Variants in FSTL5 observed in about 807,000 individuals in gnomAD.
The protein encoded by FSTL5 is follistatin-related protein 5.
A neutral mutation model predicts 89.1 loss-of-function variants in FSTL5; 62 were observed. The ratio of observed to expected loss-of-function variants is 0.70; its 90% CI spans 0.57 to 0.86. The LOEUF (loss-of-function observed/expected upper bound fraction) is 0.86, where lower values mean the gene tolerates loss of function less well. Ranked by LOEUF, FSTL5 falls within the 40% of genes least tolerant of loss-of-function variation. The pLI, the probability that FSTL5 is intolerant of heterozygous loss-of-function variation, is 0.00. For synonymous variants in FSTL5, 383 were observed against 346.2 expected, an observed-to-expected ratio of 1.11 and a Z score of -1.18; for missense variants, 1,057 against 1,001.6, an observed-to-expected ratio of 1.06 and a Z score of -0.75.
intron 6 of FSTL5, among the ~76,000 whole-genome samples, chr4:161,726,349 C>A (rs1739415712): frequency 6.6e-6 from 1 of 150,478 alleles, no homozygotes; most frequent in African/African-American, 2.4e-5. Context: ...GTGTCAGCCT[C>A]CCGAGTAGCT....
At chr4:162,050,822 G>T (rs1578987511) in intron 2 of FSTL5, among the ~76,000 whole-genome samples, 1 of 151,192 alleles carries the variant, frequency 6.6e-6, no homozygotes, top group East Asian at 1.9e-4. Flanking sequence ...AAATGTTAAT[G>T]AAGTTAATAA....
At chr4:162,092,240 A>G (rs1484271812) in intron 2 of FSTL5, among the ~76,000 whole-genome samples, 1 of 152,158 alleles carries the variant, frequency 6.6e-6, no homozygotes, top group Non-Finnish European at 1.5e-5. Context: ...ATATGTTTCC[A>G]GGTGATGCTA....
In FSTL5 at chr4:161,932,968, C is replaced by T. The variant is rs566281972; in HGVS notation, c.161-12316G>A. ...CTACAAGTTATAAAATAAAACAAAG[C>T]TAAACAATACAATACATCAAGAAAT... On this transcript the variant is annotated intron_variant, in intron 3 of 15. Coordinates refer to ENST00000306100, the MANE Select transcript of FSTL5 (RefSeq NM_020116.5). Among the ~76,000 whole-genome samples, 12 of 152,156 alleles carry T rather than the reference C, an allele frequency of 7.9e-5. No individual in the cohort carries two copies. In the South Asian group the frequency reaches 2.3e-3, roughly 29 times the overall value.
intron 4 of FSTL5, among the ~76,000 whole-genome samples, chr4:161,916,303 T>C (rs1733836722): frequency 6.6e-6 from 1 of 152,154 alleles, no homozygotes; most frequent in African/African-American, 2.4e-5. Flanking sequence ...CATTTTGGCA[T>C]AGGTTATATC....
chr4:161,405,128 G>A (rs1193316563), intron 15 of FSTL5, among the ~76,000 whole-genome samples: 1 of 152,014 alleles, frequency 6.6e-6, no homozygotes, highest in Non-Finnish European at 1.5e-5. Context: ...AACTACTTGG[G>A]AGGCTGAGGC....
intron 8 of FSTL5, among the ~76,000 whole-genome samples, chr4:161,553,882 C>G (rs1732298482): frequency 6.6e-6 from 1 of 151,492 alleles, no homozygotes; most frequent in African/African-American, 2.4e-5. Flanking sequence ...TGAACTATTG[C>G]TCAGTTTAAA....
At chr4:161,866,253 T>C (rs1325944297) in intron 4 of FSTL5, among the ~76,000 whole-genome samples, 1 of 152,200 alleles carries the variant, frequency 6.6e-6, no homozygotes, top group African/African-American at 2.4e-5. Context: ...TTTATTTTTA[T>C]GAAACCCAAA....
chr4:161,931,942 C>A (rs1199226594), intron 3 of FSTL5, among the ~76,000 whole-genome samples: 1 of 151,858 alleles, frequency 6.6e-6, no homozygotes, highest in Non-Finnish European at 1.5e-5. Context: ...TCAATTGTAC[C>A]AGTGTGCCAA....
intron 10 of FSTL5, among the ~76,000 whole-genome samples, chr4:161,513,478 G>T (rs575588633): frequency 6.6e-6 from 1 of 152,182 alleles, no homozygotes; most frequent in Admixed American, 6.6e-5. Context: ...CCATTACTGG[G>T]TATATACCCA....
intron 15 of FSTL5, among the ~76,000 whole-genome samples, chr4:161,437,567 A>C (rs113190306): frequency 9.6e-6 from 1 of 103,790 alleles, no homozygotes; most frequent in African/African-American, 2.9e-5. Flanking sequence ...CTCCGTCTCA[A>C]AAAAAAAAAA....
At chr4:161,986,774 C>T (rs76026780) in intron 3 of FSTL5, among the ~76,000 whole-genome samples, 21 of 152,164 alleles carry the variant, frequency 1.4e-4, no homozygotes, top group Non-Finnish European at 2.4e-4. Context: ...GCTAGGAAAG[C>T]GGGTGGCACA....
intron 5 of FSTL5, among the ~76,000 whole-genome samples, chr4:161,775,572 T>G (rs1579083178): frequency 6.6e-6 from 1 of 152,208 alleles, no homozygotes. Flanking sequence ...ATCTCCAGAA[T>G]ACATTAGGAA....
chr4:161,407,014 C>CT (rs1296641585), intron 15 of FSTL5, among the ~76,000 whole-genome samples: 1 of 151,962 alleles, frequency 6.6e-6, no homozygotes, highest in South Asian at 2.1e-4. Flanking sequence ...CTAGTACTGT[C>CT]TTTTTTGTAG....
chr4:161,787,341 T>C (rs774957257), intron 4 of FSTL5, among the ~76,000 whole-genome samples: 6 of 152,074 alleles, frequency 3.9e-5, no homozygotes, highest in Non-Finnish European at 8.8e-5. Flanking sequence ...GACTGGTGAG[T>C]GCTTGACAGT....
intron 6 of FSTL5, among the ~76,000 whole-genome samples, chr4:161,750,243 CATT>C (rs1265568920): frequency 3.9e-5 from 6 of 151,988 alleles, no homozygotes; most frequent in Admixed American, 6.6e-5. Flanking sequence ...ATAGAGAAGT[CATT>C]ATAATTTGAC....
At chr4:161,634,568 C>A (rs1735622896) in intron 7 of FSTL5, among the ~76,000 whole-genome samples, 2 of 152,036 alleles carry the variant, frequency 1.3e-5, no homozygotes, top group Non-Finnish European at 2.9e-5. Flanking sequence ...CTTAAAAAAA[C>A]AGGAACACCT....
chr4:162,004,571 T>A (rs1216296010), intron 3 of FSTL5, among the ~76,000 whole-genome samples: 1 of 152,146 alleles, frequency 6.6e-6, no homozygotes, highest in South Asian at 2.1e-4. Context: ...TAGATGCTTA[T>A]CATTTAGAAC....
At chr4:162,114,922 T>C (rs113123098) in intron 1 of FSTL5, among the ~76,000 whole-genome samples, 1 of 152,136 alleles carries the variant, frequency 6.6e-6, no homozygotes, top group Admixed American at 6.6e-5. Context: ...AATACAAAGT[T>C]ATACAAAAAT....
At chr4:161,676,770 C>T (rs1296948081) in intron 6 of FSTL5, among the ~76,000 whole-genome samples, 1 of 151,632 alleles carries the variant, frequency 6.6e-6, no homozygotes, top group Non-Finnish European at 1.5e-5. Context: ...CACACACACA[C>T]ATACACACAG....
Sources: gnomAD v4.1 joint callset for allele counts (sites outside exome capture counted in the v4.1 genomes callset) on GRCh38, gnomAD v4.1.1 for gene constraint, MANE v1.5 for transcripts, NCBI Gene and HGNC (gene_info 2026-07-23, HGNC 2026-07-21) for gene names.